ERICH3: variants seen among roughly 807,000 people sequenced by gnomAD.
The protein encoded by ERICH3 is glutamate-rich protein 3.
ERICH3 carries 126 observed loss-of-function variants against 131.1 expected under a neutral mutation model. That is an observed-to-expected ratio of 0.96 (90% CI 0.83 to 1.11). ERICH3 has a LOEUF of 1.11. ERICH3 is among the 50% of genes most tolerant of loss of function. ERICH3 has a pLI of 0.00. For synonymous variants in ERICH3, 695 were observed against 644.6 expected (o/e 1.08, Z -1.18); for missense variants, 2,050 against 1,810.7 (o/e 1.13, Z -2.40).
chr1:74,620,028 T>C (rs1250260842), intron 8 of ERICH3, among the ~76,000 whole-genome samples: 3 of 152,222 alleles, frequency 2.0e-5, no homozygotes, highest in Non-Finnish European at 2.9e-5. Context: ...TCCAAATACG[T>C]ATATTTCTTT....
chr1:74,645,619 G>A (rs1312342315), intron 3 of ERICH3, among the ~76,000 whole-genome samples: 1 of 151,910 alleles, frequency 6.6e-6, no homozygotes, highest in African/African-American at 2.4e-5. Flanking sequence ...GAGTAAATTT[G>A]AAACAAGGTA....
chr1:74,622,023 C>T (rs1392478048), intron 7 of ERICH3: 1 of 152,124 alleles, frequency 6.6e-6, no homozygotes, highest in Middle Eastern at 3.2e-3. Context: ...GAGCTGATTC[C>T]ATCAAATTAT....
chr1:74,640,877 A>C (rs959374352), intron 5 of ERICH3, among the ~76,000 whole-genome samples: 1 of 152,154 alleles, frequency 6.6e-6, no homozygotes, highest in Admixed American at 6.6e-5. Context: ...AGGAACAGCA[A>C]GAAAAAATCC....
At chr1:74,664,129 C>A (rs965808107) in intron 1 of ERICH3, among the ~76,000 whole-genome samples, 2 of 151,944 alleles carry the variant, frequency 1.3e-5, no homozygotes, top group East Asian at 1.9e-4. Context: ...AGTAGTATAG[C>A]TTTATCAGTA....
chr1:74,579,849 C>T (rs977690300), intron 12 of ERICH3: 11 of 984,864 alleles, frequency 1.1e-5, no homozygotes, highest in African/African-American at 8.7e-5. Context: ...AGGTGATTGT[C>T]AGTTCTCACA....
rs1269229222 is a variant in ERICH3 at position 74,634,953 on chromosome 1, C to T, written c.603+1327G>A. ...ACTTTCTCATTGTGATTTGGCTTCT[C>T]ATATATGTCTGCCTACTAGGGGATA... On this transcript the variant is annotated intron_variant, in intron 6 of 14. Coordinates refer to ENST00000326665, the MANE Select transcript of ERICH3 (RefSeq NM_001002912.5). 5 of 379,654 alleles carry T rather than the reference C, an allele frequency of 1.3e-5. No individual in the cohort carries two copies. The East Asian group carries it at 1.6e-4, about 12-fold the overall frequency. 23.5% of individuals were successfully genotyped at this position (379,654 alleles called of 1,614,324 possible).
intron 11 of ERICH3, among the ~76,000 whole-genome samples, chr1:74,599,029 G>GA (rs1369509197): frequency 1.3e-5 from 2 of 151,494 alleles, no homozygotes; most frequent in Non-Finnish European, 3.0e-5. Context: ...CAGTTAAACT[G>GA]AAAAAAATAA....
chr1:74,589,935 A>T lies in ERICH3; in HGVS notation c.1872T>A (p.Ser624Arg), dbSNP rs1647508010. The T allele has an allele frequency of 1.9e-6, 3 of 1,613,878 alleles. No homozygotes were observed. The highest frequency in any genetic ancestry group is 1.7e-6 in the Non-Finnish European group (2 of 1,179,944). Reference protein sequence around the residue: ...SARRSSSQELSENDKPRKSHL... With the variant: ...SARRSSSQELRENDKPRKSHL... ...GAGACTTTCTTGGCTTATCATTTTCACTCAGTTCCTGAGAAGATGACCTTC... is the reference window on the plus strand; with the variant it reads ...GAGACTTTCTTGGCTTATCATTTTCTCTCAGTTCCTGAGAAGATGACCTTC... The change falls in exon 12 of 15, where the codon AGT (serine) becomes AGA (arginine). Residue 624 changes from serine to arginine, a missense_variant. By Grantham distance (110) the Ser-to-Arg change is moderately radical (BLOSUM62 -1). Coordinates refer to ENST00000326665, the MANE Select transcript of ERICH3 (RefSeq NM_001002912.5).
intron 7 of ERICH3, among the ~76,000 whole-genome samples, chr1:74,627,672 T>C (rs1323286573): frequency 1.3e-5 from 2 of 152,086 alleles, no homozygotes; most frequent in South Asian, 2.1e-4. Flanking sequence ...CATACATATG[T>C]GTATATATAC....
Position 74,573,171 on chromosome 1 carries a change from C to T in ERICH3, c.2539G>A (p.Gly847Arg), listed in dbSNP as rs760378727. ...CCCCCTTCACCCAGCCTTCTGACCC[C>T]TTCTGCTTCTGCTGCTCCCTCTGCC... ...RGAEGAAEAE[G>R]VRRLGEGGSD... The change falls in exon 14 of 15, where the codon GGG (glycine) becomes AGG (arginine). Residue 847 changes from glycine (G) to arginine (R), a missense_variant. Physicochemically the swap from Gly to Arg is moderately radical, Grantham distance 125. Coordinates refer to ENST00000326665, the MANE Select transcript of ERICH3 (RefSeq NM_001002912.5). The T allele has an allele frequency of 8.7e-6, 14 of 1,613,784 alleles. No individual in the cohort carries two copies. Among genetic ancestry groups the T allele is most frequent in the Non-Finnish European group, 1.2e-5 (14 of 1,179,862 alleles).
Position 74,646,765 on chromosome 1 carries a change from C to A in ERICH3, c.145G>T (p.Glu49Ter). The A allele has an allele frequency of 1.3e-6, 2 of 1,491,280 alleles. No individual in the cohort carries two copies. Among genetic ancestry groups the A allele is most frequent in the South Asian group, 1.3e-5 (1 of 78,980 alleles). The allele number at this position is 1,491,280 out of a possible 1,614,324, so 92.4% of individuals were successfully genotyped here. The change falls in exon 3 of 15, where the codon GAA (glutamate) becomes TAA (stop). Residue 49 changes from glutamate (E) to a stop codon, truncating the protein, a stop_gained. Coordinates refer to ENST00000326665, the MANE Select transcript of ERICH3 (RefSeq NM_001002912.5). LOFTEE classifies it high-confidence loss of function. ...LITRSGRILS[E>*]KEYKLNMMKR... ...ATCATATTTAGTTTATATTCTTTTT[C>A]AGAAAGTATTCTTCCACTTCTTGTG...
intron 11 of ERICH3, among the ~76,000 whole-genome samples, chr1:74,591,525 G>C (rs887855109): frequency 6.6e-6 from 1 of 152,154 alleles, no homozygotes; most frequent in Non-Finnish European, 1.5e-5. Flanking sequence ...GCAGTCCTCT[G>C]AAAAAGGTGA....
intron 1 of ERICH3, among the ~76,000 whole-genome samples, chr1:74,654,250 A>G (rs1646563089): frequency 6.6e-6 from 1 of 152,074 alleles, no homozygotes; most frequent in Admixed American, 6.6e-5. Flanking sequence ...GAGCTCTTCC[A>G]GCCTCCACCT....
chr1:74,642,871 G>T (rs1646448333), intron 4 of ERICH3, among the ~76,000 whole-genome samples, 156 bp downstream of exon 4: 2 of 152,098 alleles, frequency 1.3e-5, no homozygotes, highest in African/African-American at 4.8e-5. Flanking sequence ...CTGTAATGAT[G>T]ATGGCTAAGA....
chr1:74,643,025 A>C lies in ERICH3; in HGVS notation c.315+2T>G. ...GTAAAAGAGAGTTATATAACTCCTTACCTTAAACCTCTGGATTCGCTCCTT... is the reference window on the plus strand; with the variant it reads ...GTAAAAGAGAGTTATATAACTCCTTCCCTTAAACCTCTGGATTCGCTCCTT... On this transcript the variant is annotated splice_donor_variant, in intron 4 of 14. Coordinates refer to ENST00000326665, the MANE Select transcript of ERICH3 (RefSeq NM_001002912.5). LOFTEE classifies it high-confidence loss of function. The C allele has an allele frequency of 6.3e-7, 1 of 1,598,916 alleles. No individual in the cohort carries two copies. Among genetic ancestry groups the C allele is most frequent in the Non-Finnish European group, 8.6e-7 (1 of 1,169,548 alleles).
At chr1:74,606,975 A>G in intron 9 of ERICH3, 73 bp from the exon 10 acceptor site, 1 of 1,352,396 alleles carries the variant, frequency 7.4e-7, no homozygotes, top group Non-Finnish European at 1.0e-6. Context: ...AGCTTTTGAA[A>G]GCACTTATCT....
chr1:74,612,718 G>A lies in ERICH3; in HGVS notation c.1092C>T (p.Ser364=). The A allele has an allele frequency of 1.2e-6, 2 of 1,607,216 alleles. No individual in the cohort carries two copies. Among genetic ancestry groups the A allele is most frequent in the Non-Finnish European group, 1.7e-6 (2 of 1,174,878 alleles). Residue 364 remains serine, a synonymous_variant, in exon 9 of 15, where the codon TCC becomes TCT. Coordinates refer to ENST00000326665, the MANE Select transcript of ERICH3 (RefSeq NM_001002912.5). ...LNGMQVNRLS[S]CCEYKHRKGS... is the part of the protein sequence containing the mutation. ...CTTTCCGATGCTTGTATTCACAACA[G>A]GAGCTTAACCTGTTCACCTGCATCC...
At chr1:74,662,339 A>C (rs1327948754) in intron 1 of ERICH3, among the ~76,000 whole-genome samples, 1 of 152,152 alleles carries the variant, frequency 6.6e-6, no homozygotes, top group Admixed American at 6.6e-5. Flanking sequence ...GACTGAAAGG[A>C]AAGAAGAACT....
intron 1 of ERICH3, among the ~76,000 whole-genome samples, chr1:74,656,073 G>T (rs367653214): frequency 6.6e-6 from 1 of 152,102 alleles, no homozygotes; most frequent in Non-Finnish European, 1.5e-5. Context: ...TGCCCAGCAG[G>T]CCTGAACCCA....
Sources: gnomAD v4.1 joint callset for allele counts (sites outside exome capture counted in the v4.1 genomes callset) on GRCh38, gnomAD v4.1.1 for gene constraint, MANE v1.5 for transcripts, NCBI Gene and HGNC (gene_info 2026-07-23, HGNC 2026-07-21) for gene names.